ADGRB1: variants seen among roughly 807,000 people sequenced by gnomAD.
The protein encoded by ADGRB1 is adhesion G protein-coupled receptor B1.
A neutral mutation model predicts 175.7 loss-of-function variants in ADGRB1; 36 were observed. That is an observed-to-expected ratio of 0.20 (90% CI 0.16 to 0.27). The LOEUF (loss-of-function observed/expected upper bound fraction) is 0.27, where lower values mean the gene tolerates loss of function less well. Among genes scored for constraint, ADGRB1 ranks in the 10% least tolerant of loss-of-function variants. The probability of loss-of-function intolerance (pLI) is 1.00; values close to 1 mark genes in which losing one functional copy is unlikely to be tolerated. For missense variants in ADGRB1, 1,731 were observed against 2,255.3 expected, an observed-to-expected ratio of 0.77 and a Z score of 4.71; for synonymous variants, 1,054 against 979.4, an observed-to-expected ratio of 1.08 and a Z score of -1.42.
chr8:142,467,291 A>C (rs1164800643), intron 2 of ADGRB1, among the ~76,000 whole-genome samples: 4 of 152,232 alleles, frequency 2.6e-5, no homozygotes, highest in Admixed American at 6.5e-5. Flanking sequence ...AAGAGATGTC[A>C]GCCCTGAGGG....
intron 27 of ADGRB1, among the ~76,000 whole-genome samples, chr8:142,540,380 G>A (rs986383014): frequency 1.1e-4 from 16 of 152,268 alleles, no homozygotes; most frequent in Non-Finnish European, 1.9e-4. Flanking sequence ...CTAGGACTTG[G>A]GGCCTCAGGT....
intron 13 of ADGRB1, among the ~76,000 whole-genome samples, chr8:142,487,665 C>A (rs909035554): frequency 4.6e-5 from 7 of 152,200 alleles, no homozygotes; most frequent in Non-Finnish European, 1.0e-4. Flanking sequence ...ACCCCAGCGG[C>A]ACTTCCCCAA....
Position 142,529,708 on chromosome 8 carries a change from G to A in ADGRB1, c.3398+3081G>A, listed in dbSNP as rs574273315. 1.4e-4 allele frequency among the ~76,000 whole-genome samples: 20 copies of A among 141,972 alleles called. 1 individual carries two copies. In the South Asian group the frequency reaches 2.7e-3, roughly 19 times the overall value. 93.1% of individuals were successfully genotyped at this position (141,972 alleles called of 152,430 possible). On this transcript the variant is annotated intron_variant, in intron 24 of 30. Transcript: ENST00000517894. ...AGCGTGCATCGGTGTACCTGTGAGC[G>A]TGCATCTATGTGTGTGAGTGCAACC...
rs1214556064 is a variant in ADGRB1, at chr8:142,544,314, T to G, written c.4652T>G (p.Leu1551Arg). 6.5e-7 allele frequency: 1 copy of G among 1,548,886 alleles called. No homozygotes were observed. The highest frequency in any genetic ancestry group is 2.4e-5 in the East Asian group (1 of 40,902). Reference protein sequence around the residue: ...PTWVKKELEPLQPSPLELRSV... With the variant: ...PTWVKKELEPRQPSPLELRSV... ...TGGGTGAAGAAGGAGCTGGAGCCGC[T>G]GCAGCCGTCGCCGCTGGAGCTTCGC... The change falls in exon 31 of 31, where the codon CTG becomes CGG. Residue 1551 changes from leucine to arginine, a missense_variant. This residue lies in a region of ADGRB1 where 394 missense variants were observed against 410.2 expected (regional missense o/e 0.96). Coordinates refer to ENST00000517894, the MANE Select transcript of ADGRB1 (RefSeq NM_001702.3).
chr8:142,464,613 A>G lies in ADGRB1; in HGVS notation c.415A>G (p.Ser139Gly). 1 of 1,523,646 alleles carries G rather than the reference A, an allele frequency of 6.6e-7. No individual in the cohort carries two copies. The allele number at this position is 1,523,646 out of a possible 1,614,324, so 94.4% of individuals were successfully genotyped here. A position where few individuals can be genotyped will look rare whatever the true frequency, so the allele number is the denominator to read the frequency against. ...CGCACCCCTGGCCTTCCTGCAGGCC[A>G]GCAAGCAGTTCCTGCAGATGCGGCG... The part of the protein sequence containing the change: ...PSAPLAFLQA[S>G]KQFLQMRRQQ... The change falls in exon 2 of 31, where the codon AGC (serine) becomes GGC (glycine). Residue 139 changes from serine to glycine, a missense_variant. Physicochemically the swap from Ser to Gly is moderately conservative, Grantham distance 56. This residue lies in a region of ADGRB1 where 383 missense variants were observed against 383.1 expected (regional missense o/e 1.00). Transcript: ENST00000517894.
rs757932745 is a variant in ADGRB1, at chr8:142,474,136, G to A, written c.785-1338G>A. 3.9e-5 allele frequency among the ~76,000 whole-genome samples: 6 copies of A among 152,154 alleles called. No individual in the cohort carries two copies. Among genetic ancestry groups the A allele is most frequent in the Non-Finnish European group, 7.4e-5 (5 of 68,018 alleles). Reference sequence around the variant, plus strand: ...GAATCTGGCAGCTGGAGCTACCCTGGGGTCTCCTGCAGTCCACACTCCCAC... The same window carrying A: ...GAATCTGGCAGCTGGAGCTACCCTGAGGTCTCCTGCAGTCCACACTCCCAC... On this transcript the variant is annotated intron_variant, in intron 2 of 30. Transcript: ENST00000517894. This position sits in a 1 kb window ranked among gnomAD's most constrained non-coding sequence, Gnocchi z 5.8.
intron 17 of ADGRB1, among the ~76,000 whole-genome samples, chr8:142,498,216 C>T (rs1337344015): frequency 2.6e-5 from 4 of 152,184 alleles, no homozygotes; most frequent in East Asian, 1.9e-4. Flanking sequence ...TCCTTGGATC[C>T]GTGTGTGTTC....
In ADGRB1 at chr8:142,489,124, G is replaced by A. The variant is rs1266197372; in HGVS notation, c.2528+14G>A. 1.3e-6 allele frequency: 2 copies of A among 1,597,068 alleles called. No individual in the cohort carries two copies. Among genetic ancestry groups the A allele is most frequent in the African/African-American group, 1.3e-5 (1 of 74,716 alleles). The stretch of plus-strand genomic sequence containing the variant: ...GGCCCTGCAGAGGTGGGGAGCCCTG[G>A]GCAGGTGGGGTGGGCAGTGCAGGGC... On this transcript the variant is annotated intron_variant, in intron 15 of 30. Coordinates refer to ENST00000517894, the MANE Select transcript of ADGRB1 (RefSeq NM_001702.3).
chr8:142,488,912 C>T (rs372157355), intron 14 of ADGRB1, 123 bp from the exon 15 acceptor site: 1 of 1,230,110 alleles, frequency 8.1e-7, no homozygotes, highest in Non-Finnish European at 1.1e-6. Flanking sequence ...TCCGCCAGGG[C>T]CCTGGACGCG....
intron 17 of ADGRB1, among the ~76,000 whole-genome samples, chr8:142,509,243 G>A (rs761305181): frequency 5.9e-5 from 9 of 152,172 alleles, no homozygotes; most frequent in Non-Finnish European, 1.0e-4. Context: ...CTCTGAGCCC[G>A]GCCCTGTGCC....
intron 11 of ADGRB1, 146 bp downstream of exon 11, chr8:142,481,857 T>G (rs1036120463): frequency 1.4e-6 from 1 of 738,660 alleles, no homozygotes; most frequent in South Asian, 2.2e-5. Flanking sequence ...TTGTCACACA[T>G]TTAATCTTGG....
At chr8:142,544,122 T>C in intron 30 of ADGRB1, 98 bp from the exon 31 acceptor site, 1 of 1,305,934 alleles carries the variant, frequency 7.7e-7, no homozygotes, top group African/African-American at 1.5e-5. Context: ...CTCCCGTCCC[T>C]TCCTCACTGA....
chr8:142,528,628 C>T (rs1844383016), intron 24 of ADGRB1, among the ~76,000 whole-genome samples: 3 of 151,194 alleles, frequency 2.0e-5, no homozygotes, highest in Admixed American at 6.6e-5. Context: ...ACCTCCGACG[C>T]CACCAGTAAC....
At chr8:142,516,283 G>GTGTC (rs1843421060) in intron 18 of ADGRB1, among the ~76,000 whole-genome samples, 1 of 140,326 alleles carries the variant, frequency 7.1e-6, no homozygotes, top group Admixed American at 7.1e-5. Flanking sequence ...CCCCAGTTGC[G>GTGTC]TGTGTGTGGG....
chr8:142,510,935 C>A lies in ADGRB1; in HGVS notation c.2679C>A (p.Pro893=). The A allele has an allele frequency of 8.0e-7, 1 of 1,255,944 alleles. No individual in the cohort carries two copies. The allele number at this position is 1,255,944 out of a possible 1,614,324, so 77.8% of individuals were successfully genotyped here. ...CCCGTGTCCCGCCCGCCCCCAGACCCTCCTCCTCCGCCCCCCCGCAGCTCG... is the reference window on the plus strand; with the variant it reads ...CCCGTGTCCCGCCCGCCCCCAGACCATCCTCCTCCGCCCCCCCGCAGCTCG... ...TCILWDETDV[P]SSSAPPQLGP... is the part of the protein sequence containing the mutation. Residue 893 remains proline (P), a synonymous_variant, in exon 18 of 31, where the codon CCC becomes CCA. Coordinates refer to ENST00000517894, the MANE Select transcript of ADGRB1 (RefSeq NM_001702.3). The surrounding 1 kb of genome is among the most constrained non-coding windows in gnomAD (Gnocchi z 6.3).
chr8:142,543,846 CCCTG>C lies in ADGRB1; in HGVS notation c.4557+139_4557+142del. On this transcript the variant is annotated intron_variant, in intron 30 of 30. Coordinates refer to ENST00000517894, the MANE Select transcript of ADGRB1 (RefSeq NM_001702.3). This position sits in a 1 kb window ranked among gnomAD's most constrained non-coding sequence, Gnocchi z 4.4. ...TTCATTCATTCATTCATTCGCCCAT[CCCTG>C]AGGGCTGGCCTGACCCTGCCATGCC... 1.1e-6 allele frequency: 1 copy of C among 941,176 alleles called. No individual in the cohort carries two copies. The highest frequency in any genetic ancestry group is 1.6e-6 in the Non-Finnish European group (1 of 612,686). The allele number at this position is 941,176 out of a possible 1,614,324, so 58.3% of individuals were successfully genotyped here. A position where few individuals can be genotyped will look rare whatever the true frequency, so the allele number is the denominator to read the frequency against.
At chr8:142,527,368 G>C (rs534037514) in intron 24 of ADGRB1, among the ~76,000 whole-genome samples, 2 of 152,232 alleles carry the variant, frequency 1.3e-5, no homozygotes, top group African/African-American at 4.8e-5. Context: ...TGCCAGTCTT[G>C]CTTGGATGCT....
At chr8:142,479,105 T>G (rs538384750) in intron 7 of ADGRB1, 6 of 467,632 alleles carry the variant, frequency 1.3e-5, no homozygotes, top group Admixed American at 4.1e-5. Context: ...TGGCTGCATG[T>G]GGGGTGTTTG....
At position 142,455,339 on chromosome 8, in the gene ADGRB1, C is replaced by G. The variant is rs1454215236; in HGVS notation, c.-220+5235C>G. On this transcript the variant is annotated intron_variant, in intron 1 of 30. Coordinates refer to ENST00000517894, the MANE Select transcript of ADGRB1 (RefSeq NM_001702.3). This position sits in a 1 kb window ranked among gnomAD's most constrained non-coding sequence, Gnocchi z 4.9. ...TGGCCCCCACCTTAGGCTCCTGTCC[C>G]CTTCACTCGCCCCCATGGCTGTCCT... Among the ~76,000 whole-genome samples, 1 of 152,022 alleles carries G rather than the reference C, an allele frequency of 6.6e-6. No individual in the cohort carries two copies. Among genetic ancestry groups the G allele is most frequent in the Non-Finnish European group, 1.5e-5 (1 of 68,028 alleles).
Sources: allele counts gnomAD v4.1 joint callset (sites outside exome capture counted in the v4.1 genomes callset), GRCh38; gene constraint gnomAD v4.1.1; regional missense constraint gnomAD v4.1.1; non-coding constraint Gnocchi (gnomAD v3.1); transcripts MANE v1.5; gene names NCBI Gene and HGNC (gene_info 2026-07-23, HGNC 2026-07-21).